Variants in FMN1 observed in about 807,000 individuals in gnomAD.
FMN1 encodes formin 1, also known as formin-1.
Under a neutral mutation model 132.4 loss-of-function variants are expected in FMN1, and 110 were observed. That is an observed-to-expected ratio of 0.83 (90% CI 0.71 to 0.97). FMN1 has a LOEUF of 0.97. FMN1 is among the 50% of genes least tolerant of loss of function. The pLI, the probability that FMN1 is intolerant of heterozygous loss-of-function variation, is 0.00. For missense variants in FMN1, 1,792 were observed against 1,705.3 expected, an observed-to-expected ratio of 1.05 and a Z score of -0.90; for synonymous variants, 722 against 651.7, an observed-to-expected ratio of 1.11 and a Z score of -1.64.
intron 4 of FMN1, among the ~76,000 whole-genome samples, chr15:33,093,570 C>CA (rs576995402): frequency 4.4e-4 from 67 of 152,332 alleles, no homozygotes; most frequent in Non-Finnish European, 8.5e-4. Context: ...CCCCCATTTT[C>CA]ATTCTCAGCA....
intron 4 of FMN1, among the ~76,000 whole-genome samples, chr15:33,148,525 G>C (rs1964319269): frequency 6.6e-6 from 1 of 152,186 alleles, no homozygotes; most frequent in Non-Finnish European, 1.5e-5. Flanking sequence ...GGTTCAGTTA[G>C]AGGAGGTTTA....
intron 17 of FMN1, among the ~76,000 whole-genome samples, chr15:32,835,859 TTTATTA>T (rs1171545219): frequency 2.0e-5 from 3 of 152,054 alleles, no homozygotes; most frequent in African/African-American, 7.2e-5. Flanking sequence ...CTGTTTTTAT[TTTATTA>T]TTATTATTTT....
intron 9 of FMN1, among the ~76,000 whole-genome samples, chr15:32,935,102 T>C (rs981392707): frequency 5.3e-5 from 8 of 151,934 alleles, no homozygotes; most frequent in African/African-American, 9.7e-5. Flanking sequence ...TTTGTATTTT[T>C]AGTAGAGATG....
intron 5 of FMN1, among the ~76,000 whole-genome samples, chr15:33,074,300 AG>A (rs1363332551): frequency 3.3e-5 from 5 of 152,248 alleles, no homozygotes; most frequent in African/African-American, 1.2e-4. Flanking sequence ...GCCAAACAAA[AG>A]AAAAAGCCAG....
At chr15:32,806,576 T>A (rs2057689543) in intron 17 of FMN1, among the ~76,000 whole-genome samples, 1 of 152,200 alleles carries the variant, frequency 6.6e-6, no homozygotes, top group African/African-American at 2.4e-5. Flanking sequence ...GTATCTACAG[T>A]CTTCAAAATG....
At chr15:32,832,664 G>C (rs2058529587) in intron 17 of FMN1, among the ~76,000 whole-genome samples, 2 of 152,154 alleles carry the variant, frequency 1.3e-5, no homozygotes, top group Non-Finnish European at 2.9e-5. Flanking sequence ...TGTAATCCCA[G>C]CTACTTGGGA....
chr15:33,066,801 C>G, intron 5 of FMN1: 1 of 1,614,000 alleles, frequency 6.2e-7, no homozygotes. Flanking sequence ...GACTCAGGGT[C>G]TGCTCCCTTC....
rs1268408440 is a variant in FMN1 at position 33,089,050 on chromosome 15, TC to T, written c.1868-77del. On this transcript the variant is annotated intron_variant, in intron 4 of 20. Transcript: ENST00000616417. ...ATAAATAAAGCCATATTTGGGGAAC[TC>T]CTACATAGACTTCTCTATGCTAGCT... 7.8e-5 allele frequency: 98 copies of T among 1,254,480 alleles called. 1 individual carries two copies. In the East Asian group the frequency reaches 2.5e-3, roughly 31 times the overall value. The allele number at this position is 1,254,480 out of a possible 1,614,324, so 77.7% of individuals were successfully genotyped here.
rs79015290 is a variant in FMN1 at position 32,825,501 on chromosome 15, A to G, written c.3929-21169T>C. Among the ~76,000 whole-genome samples, 367 of 152,288 alleles carry G rather than the reference A, an allele frequency of 2.4e-3. 2 individuals are homozygous for G. Among genetic ancestry groups the G allele is most frequent in the African/African-American group, 8.7e-3 (360 of 41,564 alleles). On this transcript the variant is annotated intron_variant, in intron 17 of 20. Transcript: ENST00000616417. ...CTCCTTCCCAGACTTAAATGTCATC[A>G]CTGTTCTACTCTCCCTACTCTTTTA...
chr15:33,116,615 T>C (rs2039936244), intron 4 of FMN1, among the ~76,000 whole-genome samples: 1 of 152,140 alleles, frequency 6.6e-6, no homozygotes, highest in Non-Finnish European at 1.5e-5. Context: ...CAGGCTTAAA[T>C]TATTTCTGCT....
intron 9 of FMN1, among the ~76,000 whole-genome samples, chr15:32,930,721 G>C (rs373556788): frequency 2.8e-5 from 4 of 142,150 alleles, no homozygotes; most frequent in African/African-American, 5.7e-5. Context: ...TGCTTTTTTT[G>C]GGGGGGGGCG....
chr15:32,949,524 T>A (rs1413795876), intron 9 of FMN1, among the ~76,000 whole-genome samples: 1 of 151,980 alleles, frequency 6.6e-6, no homozygotes, highest in African/African-American at 2.4e-5. Flanking sequence ...AAGTGACCCC[T>A]TTTTCCTTAC....
intron 9 of FMN1, among the ~76,000 whole-genome samples, chr15:32,942,114 G>A (rs900500462): frequency 3.3e-5 from 5 of 152,208 alleles, no homozygotes; most frequent in African/African-American, 1.2e-4. Flanking sequence ...CAGGATTAGG[G>A]CATGTCACAC....
At chr15:33,143,798 T>C (rs1436048685) in intron 4 of FMN1, among the ~76,000 whole-genome samples, 2 of 152,224 alleles carry the variant, frequency 1.3e-5, no homozygotes, top group African/African-American at 2.4e-5. Flanking sequence ...CCTATTAATT[T>C]ACTGTTTATG....
intron 4 of FMN1, among the ~76,000 whole-genome samples, chr15:33,107,235 A>C (rs887746442): frequency 6.6e-6 from 1 of 151,864 alleles, no homozygotes; most frequent in African/African-American, 2.4e-5. Context: ...TTCACACATC[A>C]TTACCACCTC....
At position 32,930,723 on chromosome 15, in the gene FMN1, G is replaced by T. The variant is rs79229858; in HGVS notation, c.3139-4462C>A. On this transcript the variant is annotated intron_variant, in intron 9 of 20. Coordinates refer to ENST00000616417, the MANE Select transcript of FMN1 (RefSeq NM_001277313.2). ...CATCTGTTATTTTTGCTTTTTTTGGGGGGGGGCGGTCTATGCTTTTCATGC... is the reference window on the plus strand; with the variant it reads ...CATCTGTTATTTTTGCTTTTTTTGGTGGGGGGCGGTCTATGCTTTTCATGC... Among the ~76,000 whole-genome samples, 832 of 151,762 alleles carry T rather than the reference G, an allele frequency of 5.5e-3. 9 individuals are homozygous for T. The highest frequency in any genetic ancestry group is 0.019 in the African/African-American group (804 of 41,288).
At chr15:32,983,389 G>C (rs894035287) in intron 7 of FMN1, among the ~76,000 whole-genome samples, 5 of 152,178 alleles carry the variant, frequency 3.3e-5, no homozygotes, top group African/African-American at 1.2e-4. Context: ...TGGACACAGG[G>C]AAATTGTTTA....
chr15:32,992,287 G>T (rs972072098), intron 7 of FMN1, among the ~76,000 whole-genome samples: 2 of 152,124 alleles, frequency 1.3e-5, no homozygotes, highest in Non-Finnish European at 2.9e-5. Flanking sequence ...ATCAAAACGG[G>T]AATCAATGTT....
In FMN1 at chr15:33,190,908, C is replaced by T. The variant is rs528613773; in HGVS notation, c.-197+3001G>A. Among the ~76,000 whole-genome samples the T allele has an allele frequency of 1.4e-4, 21 of 152,258 alleles. No homozygotes were observed. The South Asian group carries it at 4.2e-3, about 30-fold the overall frequency. On this transcript the variant is annotated intron_variant, in intron 2 of 20. Transcript: ENST00000616417. ...CTGGCTGGCCGGACGTGGTAACTCA[C>T]GCCTGTAATCCCAGCACTTTGGAAG...
Sources: gnomAD v4.1 joint callset for allele counts (sites outside exome capture counted in the v4.1 genomes callset) on GRCh38, gnomAD v4.1.1 for gene constraint, MANE v1.5 for transcripts, NCBI Gene and HGNC (gene_info 2026-07-23, HGNC 2026-07-21) for gene names.